Variants in TBX15 observed in about 807,000 individuals in gnomAD.
TBX15 encodes T-box transcription factor 15, also known as T-box transcription factor TBX15.
TBX15 carries 18 observed loss-of-function variants against 53.9 expected under a neutral mutation model. That is an observed-to-expected ratio of 0.33 (90% CI 0.23 to 0.49). TBX15 has a LOEUF of 0.49. Ranked by LOEUF, TBX15 falls within the 20% of genes least tolerant of loss-of-function variation. The pLI is 0.98. For missense variants in TBX15, 692 were observed against 749.5 expected, an observed-to-expected ratio of 0.92 and a Z score of 0.90; for synonymous variants, 295 against 278.0, an observed-to-expected ratio of 1.06 and a Z score of -0.61.
At chr1:118,978,184 T>C (rs1031196017) in intron 1 of TBX15, among the ~76,000 whole-genome samples, 9 of 152,380 alleles carry the variant, frequency 5.9e-5, no homozygotes, top group Admixed American at 3.3e-4. Context: ...GATATTAATA[T>C]AAAAACTTTT....
chr1:118,941,626 C>T (rs1193129803), intron 1 of TBX15, among the ~76,000 whole-genome samples: 1 of 152,176 alleles, frequency 6.6e-6, no homozygotes, highest in Non-Finnish European at 1.5e-5. Flanking sequence ...ATTCGTTCAG[C>T]AAATAATATT....
At chr1:118,931,116 G>T (rs1007315521) in intron 2 of TBX15, among the ~76,000 whole-genome samples, 3 of 152,156 alleles carry the variant, frequency 2.0e-5, no homozygotes, top group Admixed American at 2.0e-4. Flanking sequence ...AAATTCCATA[G>T]GTCACCAATA....
At chr1:118,905,395 C>G (rs563213739) in intron 6 of TBX15, among the ~76,000 whole-genome samples, 1 of 152,350 alleles carries the variant, frequency 6.6e-6, no homozygotes, top group African/African-American at 2.4e-5. Flanking sequence ...CAAGGCCACA[C>G]AGCCAAGAGG....
chr1:118,894,830 A>G (rs1201568385), intron 7 of TBX15, among the ~76,000 whole-genome samples: 1 of 152,148 alleles, frequency 6.6e-6, no homozygotes, highest in Non-Finnish European at 1.5e-5. Context: ...GTTTTAATGG[A>G]TTGAATTGAG....
intron 1 of TBX15, among the ~76,000 whole-genome samples, chr1:118,966,597 C>G (rs570674106): frequency 6.6e-6 from 1 of 152,008 alleles, no homozygotes; most frequent in Non-Finnish European, 1.5e-5. Context: ...AAATGAGGTA[C>G]GGAAAGGAGG....
chr1:118,980,106 G>C (rs899611720), intron 1 of TBX15, among the ~76,000 whole-genome samples: 4 of 152,200 alleles, frequency 2.6e-5, no homozygotes, highest in Admixed American at 1.3e-4. Context: ...TTCCTTCTGC[G>C]GCGAAACGGG....
intron 5 of TBX15, among the ~76,000 whole-genome samples, chr1:118,915,926 TG>T (rs1264108593): frequency 6.6e-6 from 1 of 152,172 alleles, no homozygotes; most frequent in Non-Finnish European, 1.5e-5. Context: ...CCCAGGCCAA[TG>T]GGTATGCATG....
chr1:118,942,243 CA>C (rs1656200917), intron 1 of TBX15, among the ~76,000 whole-genome samples: 1 of 152,150 alleles, frequency 6.6e-6, no homozygotes, highest in African/African-American at 2.4e-5. Context: ...TAAAATCTAC[CA>C]AATGTATTTA....
intron 6 of TBX15, among the ~76,000 whole-genome samples, chr1:118,901,905 A>C (rs1051889372): frequency 6.6e-6 from 1 of 152,164 alleles, no homozygotes; most frequent in Non-Finnish European, 1.5e-5. Flanking sequence ...CTATGGACAC[A>C]TATGTAATCC....
chr1:118,889,985 G>T (rs920384780), intron 7 of TBX15, among the ~76,000 whole-genome samples: 3 of 152,120 alleles, frequency 2.0e-5, no homozygotes, highest in African/African-American at 7.2e-5. Context: ...AGTGAAGGAA[G>T]GAGAAAGGAA....
chr1:118,909,169 A>G (rs946428636), intron 6 of TBX15, among the ~76,000 whole-genome samples: 2 of 152,230 alleles, frequency 1.3e-5, no homozygotes, highest in Admixed American at 6.5e-5. Context: ...ACACAGTCCA[A>G]TGAATATCAC....
At chr1:118,935,237 TATTAATTAGG>T (rs1443664232) in intron 1 of TBX15, among the ~76,000 whole-genome samples, 1 of 152,206 alleles carries the variant, frequency 6.6e-6, no homozygotes, top group African/African-American at 2.4e-5. Context: ...AATTTTTAGC[TATTAATTAGG>T]ATGTATAATA....
chr1:118,956,562 TC>T (rs1389533429), intron 1 of TBX15, among the ~76,000 whole-genome samples: 1 of 152,184 alleles, frequency 6.6e-6, no homozygotes, highest in African/African-American at 2.4e-5. Flanking sequence ...AATTAAAAGT[TC>T]AAGAATGTTT....
chr1:118,884,474 A>G lies in TBX15; in HGVS notation c.*258T>C, dbSNP rs1251146370. 1.9e-6 allele frequency: 1 copy of G among 533,776 alleles called. No homozygotes were observed. Among genetic ancestry groups the G allele is most frequent in the South Asian group, 2.1e-5 (1 of 47,068 alleles). The allele number at this position is 533,776 out of a possible 1,614,324, so 33.1% of individuals were successfully genotyped here. ...CAGTCTCTTCAAAGGCCACTCTGGA[A>G]CAGACAATGCTTTATAAAACTAAGG... On this transcript the variant is annotated 3_prime_UTR_variant, in exon 8 of 8. Coordinates refer to ENST00000369429, the MANE Select transcript of TBX15 (RefSeq NM_001330677.2).
chr1:118,953,698 A>G (rs1031231448), intron 1 of TBX15, among the ~76,000 whole-genome samples: 3 of 152,156 alleles, frequency 2.0e-5, no homozygotes, highest in Non-Finnish European at 4.4e-5. Flanking sequence ...GATTGTTCCA[A>G]GTTTTTTCTT....
chr1:118,906,205 C>A (rs113576003), intron 6 of TBX15, among the ~76,000 whole-genome samples: 3 of 152,012 alleles, frequency 2.0e-5, no homozygotes. Context: ...TAGCATTTTG[C>A]CATTTTTGAC....
At chr1:118,973,908 T>G (rs1174676706) in intron 1 of TBX15, among the ~76,000 whole-genome samples, 1 of 152,158 alleles carries the variant, frequency 6.6e-6, no homozygotes, top group Non-Finnish European at 1.5e-5. Context: ...ATCACAGAGA[T>G]GCCTTAAATC....
chr1:118,930,140 C>T (rs919891353), intron 2 of TBX15, among the ~76,000 whole-genome samples: 2 of 152,194 alleles, frequency 1.3e-5, no homozygotes, highest in African/African-American at 4.8e-5. Flanking sequence ...TTTATTTTAA[C>T]TTCATGTTTT....
chr1:118,893,611 GA>G (rs1289821549), intron 7 of TBX15, among the ~76,000 whole-genome samples: 1 of 142,480 alleles, frequency 7.0e-6, no homozygotes, highest in Admixed American at 6.8e-5. Flanking sequence ...AAGAAAGAAA[GA>G]AAGAGAGAGA....
Sources: allele counts gnomAD v4.1 joint callset (sites outside exome capture counted in the v4.1 genomes callset), GRCh38; gene constraint gnomAD v4.1.1; transcripts MANE v1.5; gene names NCBI Gene and HGNC (gene_info 2026-07-23, HGNC 2026-07-21).